The following DCBLD2 variants were observed in gnomAD, a reference collection of about 807,000 sequenced individuals.
DCBLD2 encodes discoidin, CUB and LCCL domain-containing protein 2.
A neutral mutation model predicts 86.8 loss-of-function variants in DCBLD2; 54 were observed. The ratio of observed to expected loss-of-function variants is 0.62; its 90% CI spans 0.50 to 0.78. The LOEUF (loss-of-function observed/expected upper bound fraction) is 0.78, where lower values mean the gene tolerates loss of function less well. Among genes scored for constraint, DCBLD2 ranks in the 30% least tolerant of loss-of-function variants. The pLI, the probability that DCBLD2 is intolerant of heterozygous loss-of-function variation, is 0.00. For synonymous variants in DCBLD2, 354 were observed against 341.3 expected (o/e 1.04, Z -0.41); for missense variants, 908 against 954.2 (o/e 0.95, Z 0.64).
chr3:98,864,386 T>C (rs1388598708), intron 2 of DCBLD2, among the ~76,000 whole-genome samples: 1 of 132,726 alleles, frequency 7.5e-6, no homozygotes, highest in African/African-American at 2.5e-5. Flanking sequence ...ATCATGTTGC[T>C]GTAAAGGCAC....
intron 2 of DCBLD2, among the ~76,000 whole-genome samples, chr3:98,863,923 C>G (rs1266344168): frequency 1.3e-5 from 2 of 152,262 alleles, no homozygotes; most frequent in Non-Finnish European, 1.5e-5. Context: ...AACAGGCAAC[C>G]TACAGGATGG....
intron 15 of DCBLD2, 115 bp from the exon 16 acceptor site, chr3:98,799,956 G>T: frequency 1.1e-6 from 1 of 869,704 alleles, no homozygotes; most frequent in Non-Finnish European, 1.7e-6. Context: ...TACTTTTGTT[G>T]CCATCAATAC....
At chr3:98,837,921 G>C (rs1189720878) in intron 3 of DCBLD2, among the ~76,000 whole-genome samples, 14 of 81,214 alleles carry the variant, frequency 1.7e-4, no homozygotes, top group African/African-American at 7.7e-4. Flanking sequence ...TGGGGGTGCT[G>C]ACCCCCCCAT....
At chr3:98,876,937 T>C (rs1943383182) in intron 2 of DCBLD2, among the ~76,000 whole-genome samples, 1 of 152,124 alleles carries the variant, frequency 6.6e-6, no homozygotes, top group Admixed American at 6.6e-5. Flanking sequence ...AATGTTAAAG[T>C]TCGTATAAGA....
chr3:98,887,864 A>G (rs1462172931), intron 1 of DCBLD2, among the ~76,000 whole-genome samples: 1 of 151,932 alleles, frequency 6.6e-6, no homozygotes, highest in Non-Finnish European at 1.5e-5. Context: ...CACAGTTCAT[A>G]TTAGGGTTCA....
At chr3:98,882,051 C>T (rs542013677) in intron 1 of DCBLD2, among the ~76,000 whole-genome samples, 10 of 152,230 alleles carry the variant, frequency 6.6e-5, no homozygotes, top group Admixed American at 6.5e-4. Flanking sequence ...ATTTTGTTAA[C>T]TATAGCCATC....
chr3:98,799,864 G>A (rs1191948303), intron 15 of DCBLD2, 23 bp from the exon 16 acceptor site: 10 of 1,560,618 alleles, frequency 6.4e-6, no homozygotes, highest in Non-Finnish European at 8.7e-6. Flanking sequence ...CAAAACAACA[G>A]AAAAGTCATT....
intron 5 of DCBLD2, 78 bp from the exon 6 acceptor site, chr3:98,822,439 A>G: frequency 6.6e-7 from 1 of 1,503,978 alleles, no homozygotes; most frequent in East Asian, 2.4e-5. Flanking sequence ...ACTTCCTGAG[A>G]AATCAGTTAA....
intron 2 of DCBLD2, among the ~76,000 whole-genome samples, chr3:98,869,213 A>T (rs964438988): frequency 2.0e-5 from 3 of 152,144 alleles, no homozygotes; most frequent in African/African-American, 7.2e-5. Context: ...AGTGATGTTG[A>T]GCATTTTTCA....
Position 98,799,414 on chromosome 3 carries a change from T to G in DCBLD2, c.2286A>C (p.Ala762=), listed in dbSNP as rs201027569. 64 of 1,613,654 alleles carry G rather than the reference T, an allele frequency of 4.0e-5. No homozygotes were observed. Among genetic ancestry groups the G allele is most frequent in the Non-Finnish European group, 5.3e-5 (62 of 1,179,734 alleles). Reference sequence around the variant, plus strand: ...AAACATCACATTCCCCATCCCTTCCTGCTCCTGATACTTCTTGTGTGCTCT... The same window carrying G: ...AAACATCACATTCCCCATCCCTTCCGGCTCCTGATACTTCTTGTGTGCTCT... ...VPQSTQEVSG[A]GRDGECDVFK... Residue 762 remains alanine (A), a synonymous_variant, in exon 16 of 16, where the codon GCA becomes GCC. Transcript: ENST00000326840.
intron 14 of DCBLD2, chr3:98,801,220 G>T: frequency 4.0e-6 from 1 of 247,894 alleles, no homozygotes; most frequent in South Asian, 1.4e-4. Context: ...GACTCCACTT[G>T]GTGAATAACC....
chr3:98,852,008 G>T (rs576135800), intron 2 of DCBLD2, among the ~76,000 whole-genome samples: 44 of 152,268 alleles, frequency 2.9e-4, no homozygotes, highest in South Asian at 8.3e-4. Context: ...ATACCATTCA[G>T]GACATAGGCA....
At chr3:98,828,772 G>A (rs1006172994) in intron 3 of DCBLD2, among the ~76,000 whole-genome samples, 2 of 151,882 alleles carry the variant, frequency 1.3e-5, no homozygotes, top group African/African-American at 4.9e-5. Context: ...ATCAACTGAT[G>A]AATGGATAGA....
rs147129777 is a variant in DCBLD2, at chr3:98,899,761, C to A, written c.205+1361G>T. 4.0e-3 allele frequency among the ~76,000 whole-genome samples: 611 copies of A among 152,236 alleles called. 16 individuals are homozygous for A. The highest frequency in any genetic ancestry group is 7.8e-4 in the Non-Finnish European group (53 of 68,032). ...GTGTCTCAATGTCCTTACGTTTGAA[C>A]TGGGATAACAATAACTATCTCAGCT... On this transcript the variant is annotated intron_variant, in intron 1 of 15. Coordinates refer to ENST00000326840, the MANE Select transcript of DCBLD2 (RefSeq NM_080927.4).
intron 6 of DCBLD2, 37 bp from the exon 7 acceptor site, chr3:98,820,325 A>G (rs1239045313): frequency 1.5e-6 from 2 of 1,369,800 alleles, no homozygotes; most frequent in South Asian, 3.9e-5. Context: ...TGATACTCAC[A>G]TAACACATGA....
chr3:98,862,762 T>G (rs1423760682), intron 2 of DCBLD2, among the ~76,000 whole-genome samples: 1 of 152,160 alleles, frequency 6.6e-6, no homozygotes, highest in Admixed American at 6.5e-5. Context: ...ACAGCCAATA[T>G]CACACTGAAT....
intron 12 of DCBLD2, 52 bp from the exon 13 acceptor site, chr3:98,808,226 G>A (rs1304676710): frequency 6.9e-7 from 1 of 1,456,302 alleles, no homozygotes; most frequent in African/African-American, 1.4e-5. Context: ...TAACACCAAA[G>A]GCAGAAATCA....
chr3:98,799,961 C>T (rs1030359366), intron 15 of DCBLD2, 120 bp from the exon 16 acceptor site: 40 of 834,670 alleles, frequency 4.8e-5, no homozygotes, highest in Non-Finnish European at 6.5e-5. Context: ...TTGTTGCCAT[C>T]AATACTTAAT....
chr3:98,850,649 C>A (rs762325008), intron 2 of DCBLD2, among the ~76,000 whole-genome samples: 1 of 152,156 alleles, frequency 6.6e-6, no homozygotes, highest in Non-Finnish European at 1.5e-5. Context: ...TAAGCTATGG[C>A]AACATCACTT....
Sources: allele counts gnomAD v4.1 joint callset (sites outside exome capture counted in the v4.1 genomes callset), GRCh38; gene constraint gnomAD v4.1.1; transcripts MANE v1.5; gene names NCBI Gene and HGNC (gene_info 2026-07-23, HGNC 2026-07-21).